Variants in PRRC2C observed in about 807,000 individuals in gnomAD.
PRRC2C encodes proline rich coiled-coil 2C, also known as protein PRRC2C.
A neutral mutation model predicts 317.2 loss-of-function variants in PRRC2C; 72 were observed. The ratio of observed to expected loss-of-function variants is 0.23; its 90% CI spans 0.19 to 0.28. The LOEUF is 0.28. PRRC2C is among the 10% of genes least tolerant of loss of function. The pLI is 1.00. For missense variants in PRRC2C, 3,074 were observed against 3,459.7 expected (o/e 0.89, Z 2.80); for synonymous variants, 1,296 against 1,205.9 (o/e 1.07, Z -1.55).
chr1:171,533,496 C>G (rs1393309741), intron 12 of PRRC2C, among the ~76,000 whole-genome samples: 2 of 152,130 alleles, frequency 1.3e-5, no homozygotes, highest in Non-Finnish European at 2.9e-5. Context: ...TTTTCTAGAT[C>G]TAATCAACTT....
At chr1:171,590,580 T>C (rs1186463450) in intron 34 of PRRC2C, among the ~76,000 whole-genome samples, 2 of 152,218 alleles carry the variant, frequency 1.3e-5, no homozygotes, top group Non-Finnish European at 2.9e-5. Flanking sequence ...ATTTGATTGA[T>C]TGATTAAAGT....
At chr1:171,527,575 G>A (rs935168319) in intron 10 of PRRC2C, among the ~76,000 whole-genome samples, 2 of 148,342 alleles carry the variant, frequency 1.3e-5, no homozygotes, top group African/African-American at 4.9e-5. Context: ...TGGCCAACAT[G>A]GCAAAACCCT....
At chr1:171,518,359 A>C (rs1004978246) in intron 6 of PRRC2C, among the ~76,000 whole-genome samples, 1 of 151,622 alleles carries the variant, frequency 6.6e-6, no homozygotes, top group Non-Finnish European at 1.5e-5. Context: ...GAGGAGGTCC[A>C]TAGGTCCATA....
chr1:171,523,609 A>T, intron 9 of PRRC2C, 87 bp downstream of exon 9: 2 of 1,122,464 alleles, frequency 1.8e-6, no homozygotes, highest in Non-Finnish European at 2.6e-6. Flanking sequence ...GTTAATAGAC[A>T]ATTGTTTGTT....
At chr1:171,536,734 A>G (rs1676915104) in intron 14 of PRRC2C, among the ~76,000 whole-genome samples, 1 of 152,230 alleles carries the variant, frequency 6.6e-6, no homozygotes. Flanking sequence ...AATCAAGATA[A>G]TCTATTACCA....
Position 171,557,376 on chromosome 1 carries a change from C to T in PRRC2C, c.5264C>T (p.Pro1755Leu), listed in dbSNP as rs1681649679. 1.3e-6 allele frequency: 2 copies of T among 1,551,800 alleles called. No homozygotes were observed. Among genetic ancestry groups the T allele is most frequent in the Non-Finnish European group, 1.7e-6 (2 of 1,147,026 alleles). The change falls in exon 19 of 35, where the codon CCA becomes CTA. Residue 1755 changes from proline to leucine, a missense_variant. By Grantham distance (98) the Pro-to-Leu change is moderately conservative. Coordinates refer to ENST00000647382, the MANE Select transcript of PRRC2C (RefSeq NM_001387844.1). ...SASVPPLASA[P>L]LPPSTSASVP... ...TCAGTTCCACCTCTAGCTTCGGCTCCACTTCCACCTTCAACCTCAGCTTCA... is the reference window on the plus strand; with the variant it reads ...TCAGTTCCACCTCTAGCTTCGGCTCTACTTCCACCTTCAACCTCAGCTTCA...
chr1:171,557,412 C>T lies in PRRC2C; in HGVS notation c.5300C>T (p.Ser1767Leu). 6.5e-7 allele frequency: 1 copy of T among 1,547,310 alleles called. No homozygotes were observed. The highest frequency in any genetic ancestry group is 8.7e-7 in the Non-Finnish European group (1 of 1,143,828). ...TCAACCTCAGCTTCAGTTCCAGCCT[C>T]AACCTCAGCTCCACTTCCGGCAACC... Reference protein sequence around the residue: ...PPSTSASVPASTSAPLPATLT... With the variant: ...PPSTSASVPALTSAPLPATLT... The change falls in exon 19 of 35, where the codon TCA becomes TTA. Residue 1767 changes from serine (S) to leucine (L), a missense_variant. This residue lies in a region of PRRC2C where 640 missense variants were observed against 676.1 expected (regional missense o/e 0.95). Transcript: ENST00000647382.
rs1480728703 is a variant in PRRC2C at position 171,558,131 on chromosome 1, A to G, written c.6019A>G (p.Ile2007Val). ...KVAPPAVLND[I>V]SKKLGPISPP... is the part of the protein sequence containing the mutation. ...GGCCCCACCAGCTGTGCTGAATGAT[A>G]TCTCTAAGAAATGTAAGTTGCAAAA... is the stretch of plus-strand genomic sequence containing the variant. Residue 2007 changes from isoleucine to valine, a missense_variant, in exon 19 of 35, where the codon ATC becomes GTC. Coordinates refer to ENST00000647382, the MANE Select transcript of PRRC2C (RefSeq NM_001387844.1). 1 of 1,610,530 alleles carries G rather than the reference A, an allele frequency of 6.2e-7. No homozygotes were observed. The highest frequency in any genetic ancestry group is 1.7e-4 in the Middle Eastern group (1 of 6,040).
rs768111056 is a variant in PRRC2C, at chr1:171,522,194, G to A, written c.768G>A (p.Pro256=). 25 of 1,582,618 alleles carry A rather than the reference G, an allele frequency of 1.6e-5. No homozygotes were observed. In the African/African-American group the frequency reaches 2.2e-4, roughly 14 times the overall value. ...TCATTCAGATGTTCCAACAGTATCC[G>A]AGGATGACATATCCTCCTCTACATG... ...MMPPYMFQQY[P]RMTYPPLHGP... The change falls in exon 7 of 35, where the codon CCG becomes CCA. Residue 256 remains proline, a synonymous_variant. Coordinates refer to ENST00000647382, the MANE Select transcript of PRRC2C (RefSeq NM_001387844.1).
rs767577719 is a variant in PRRC2C at position 171,541,415 on chromosome 1, A to G, written c.3949A>G (p.Asn1317Asp). Reference protein sequence around the residue: ...FKPDNHVRIDNRLLEKPYVRD... With the variant: ...FKPDNHVRIDDRLLEKPYVRD... ...GCCTGATAATCATGTTCGAATAGAT[A>G]ATAGACTGCTAGAAAAGCCTTATGT... Residue 1317 changes from asparagine (N) to aspartate (D), a missense_variant, in exon 16 of 35, where the codon AAT (asparagine) becomes GAT (aspartate). Physicochemically the swap from Asn to Asp is conservative, Grantham distance 23. Transcript: ENST00000647382. This position sits in a 1 kb window ranked among gnomAD's most constrained non-coding sequence, Gnocchi z 4.1. 1 of 1,613,944 alleles carries G rather than the reference A, an allele frequency of 6.2e-7. No homozygotes were observed. Among genetic ancestry groups the G allele is most frequent in the Non-Finnish European group, 8.5e-7 (1 of 1,179,848 alleles).
At chr1:171,517,462 C>T in intron 5 of PRRC2C, 129 bp from the exon 6 acceptor site, 1 of 826,554 alleles carries the variant, frequency 1.2e-6, no homozygotes, top group Non-Finnish European at 1.9e-6. Context: ...ATTAGTAGGA[C>T]CTGGATTAGA....
chr1:171,566,090 T>C, intron 20 of PRRC2C, 143 bp from the exon 21 acceptor site: 1 of 658,756 alleles, frequency 1.5e-6, no homozygotes, highest in South Asian at 3.2e-5. Context: ...GAGAAAATTA[T>C]CCTAAAATAT....
At chr1:171,589,636 A>T in intron 34 of PRRC2C, 31 bp downstream of exon 34, 1 of 1,250,276 alleles carries the variant, frequency 8.0e-7, no homozygotes, top group Non-Finnish European at 1.0e-6. Flanking sequence ...CAACAGATCA[A>T]GAATCTGTCT....
chr1:171,557,214 A>G (rs569926285), intron 18 of PRRC2C, 26 bp from the exon 19 acceptor site: 9 of 1,517,924 alleles, frequency 5.9e-6, no homozygotes, highest in African/African-American at 5.6e-5. Context: ...ATTATTGACA[A>G]AAATGGTCCC....
chr1:171,566,537 A>G, intron 21 of PRRC2C, 55 bp from the exon 22 acceptor site: 17 of 1,496,404 alleles, frequency 1.1e-5, no homozygotes, highest in Non-Finnish European at 1.5e-5. Context: ...TGGTGCAATG[A>G]TGAAAGATAC....
chr1:171,540,926 C>T lies in PRRC2C; in HGVS notation c.3460C>T (p.Arg1154Ter), dbSNP rs762178605. 1.2e-6 allele frequency: 2 copies of T among 1,613,634 alleles called. No individual in the cohort carries two copies. Among genetic ancestry groups the T allele is most frequent in the Non-Finnish European group, 1.7e-6 (2 of 1,179,804 alleles). The change falls in exon 16 of 35, where the codon CGA becomes TGA. Residue 1154 changes from arginine to a stop codon, truncating the protein, a stop_gained. Coordinates refer to ENST00000647382, the MANE Select transcript of PRRC2C (RefSeq NM_001387844.1). LOFTEE classifies it high-confidence loss of function. ...CAAAGACCTTGTTATAGAGAGGCCT[C>T]GACCAGATTCAAGACCAGCAGTTAA... ...ISKDLVIERP[R>*]PDSRPAVKKE...
intron 1 of PRRC2C, chr1:171,509,806 TG>T (rs1248119313): frequency 6.6e-6 from 1 of 150,800 alleles, no homozygotes; most frequent in East Asian, 1.9e-4. Context: ...TAGAGAAACA[TG>T]GTTTCTCTAG....
Position 171,579,956 on chromosome 1 carries a change from A to G in PRRC2C, c.7401A>G (p.Gln2467=), listed in dbSNP as rs1380145253. ...AGGAATTGTTCAGCTCCTCACTTCAACCATATAGGTAAATGCTTTAAAAGT... is the reference window on the plus strand; with the variant it reads ...AGGAATTGTTCAGCTCCTCACTTCAGCCATATAGGTAAATGCTTTAAAAGT... ...QAQELFSSSL[Q]PYRSQPAFMQ... is the part of the protein sequence containing the mutation. Residue 2467 remains glutamine (Q), a synonymous_variant, in exon 28 of 35, where the codon CAA becomes CAG. Coordinates refer to ENST00000647382, the MANE Select transcript of PRRC2C (RefSeq NM_001387844.1). 6.5e-7 allele frequency: 1 copy of G among 1,547,554 alleles called. No individual in the cohort carries two copies. Among genetic ancestry groups the G allele is most frequent in the Non-Finnish European group, 8.7e-7 (1 of 1,153,406 alleles).
At position 171,584,135 on chromosome 1, in the gene PRRC2C, G is replaced by A. The variant is rs1649319910; in HGVS notation, c.7589G>A (p.Gly2530Glu). 6.2e-7 allele frequency: 1 copy of A among 1,613,784 alleles called. No individual in the cohort carries two copies. Among genetic ancestry groups the A allele is most frequent in the African/African-American group, 1.3e-5 (1 of 74,888 alleles). Residue 2530 changes from glycine to glutamate, a missense_variant, in exon 29 of 35, where the codon GGG becomes GAG. Physicochemically the swap from Gly to Glu is moderately conservative, Grantham distance 98. Around this residue, in one of 11 missense-constraint regions of PRRC2C, gnomAD observed 490 missense variants for 663.1 expected, o/e 0.74. Transcript: ENST00000647382. ...CCTATATTGTATGAACATCAACTGG[G>A]GCAGGCATCAGGACTAGGAGGTTCC... ...PIPILYEHQL[G>E]QASGLGGSQL...
Sources: gnomAD v4.1 joint callset for allele counts (sites outside exome capture counted in the v4.1 genomes callset) on GRCh38, gnomAD v4.1.1 for gene constraint, gnomAD v4.1.1 regional missense constraint, Gnocchi (gnomAD v3.1) non-coding constraint, MANE v1.5 for transcripts, NCBI Gene and HGNC (gene_info 2026-07-23, HGNC 2026-07-21) for gene names.